Variants in C1GALT1 observed in about 807,000 individuals in gnomAD.
The protein encoded by C1GALT1 is core 1 synthase, glycoprotein-N-acetylgalactosamine 3-beta-galactosyltransferase 1, also known as glycoprotein-N-acetylgalactosamine 3-beta-galactosyltransferase 1.
C1GALT1 carries 11 observed loss-of-function variants against 31.0 expected under a neutral mutation model. That is an observed-to-expected ratio of 0.36 (90% CI 0.22 to 0.59). The LOEUF (loss-of-function observed/expected upper bound fraction) is 0.59. Ranked by LOEUF, C1GALT1 falls within the 20% of genes least tolerant of loss-of-function variation. The pLI, the probability that C1GALT1 is intolerant of heterozygous loss-of-function variation, is 0.79. For missense variants in C1GALT1, 424 were observed against 425.2 expected (o/e 1.00, Z 0.03); for synonymous variants, 175 against 143.6 (o/e 1.22, Z -1.56).
At chr7:7,174,975 T>C (rs1780490234) in intron 2 of C1GALT1, among the ~76,000 whole-genome samples, 1 of 152,178 alleles carries the variant, frequency 6.6e-6, no homozygotes, top group African/African-American at 2.4e-5. Flanking sequence ...GGACAGTTTC[T>C]ATCCATTTAT....
At position 7,244,549 on chromosome 7, in the gene C1GALT1, T is replaced by A. The variant is rs1783768784; in HGVS notation, c.*822T>A. The A allele has an allele frequency of 6.6e-6, 1 of 152,188 alleles. No individual in the cohort carries two copies. The highest frequency in any genetic ancestry group is 1.5e-5 in the Non-Finnish European group (1 of 68,014). The allele number at this position is 152,188 out of a possible 1,614,324, so 9.4% of individuals were successfully genotyped here. On this transcript the variant is annotated 3_prime_UTR_variant, in exon 4 of 4. Transcript: ENST00000436587. ...TCCCAAATTTGCCCATTGTTCATTA[T>A]GGGTAACTAATAATAAATTTAATGC...
chr7:7,244,987 CA>C lies in C1GALT1; in HGVS notation c.*1265del, dbSNP rs1371476345. The C allele has an allele frequency of 1.3e-5, 2 of 152,188 alleles. No homozygotes were observed. Among genetic ancestry groups the C allele is most frequent in the Non-Finnish European group, 2.9e-5 (2 of 68,020 alleles). 9.4% of individuals were successfully genotyped at this position (152,188 alleles called of 1,614,324 possible). ...CAGAATACCTAGTCAAGACTGTCAT[CA>C]AAAACATTCACAAATGTTTCATTCT... On this transcript the variant is annotated 3_prime_UTR_variant, in exon 4 of 4. Coordinates refer to ENST00000436587, the MANE Select transcript of C1GALT1 (RefSeq NM_020156.5).
rs56184278 is a variant in C1GALT1 at position 7,183,696 on chromosome 7, G to T, written c.-18+876G>T. 1.1e-3 allele frequency: 715 copies of T among 671,082 alleles called. 2 individuals carry two copies. In the African/African-American group the frequency reaches 0.015, roughly 14 times the overall value. 41.6% of individuals were successfully genotyped at this position (671,082 alleles called of 1,614,324 possible). A position where few individuals can be genotyped will look rare whatever the true frequency, so the allele number is the denominator to read the frequency against. On this transcript the variant is annotated intron_variant, in intron 1 of 3. Transcript: ENST00000436587. ...CACCCCCCACCACCCCGCATTTAAA[G>T]CAAACAACAGTATCAGCAACAAAAA...
At chr7:7,206,815 G>A (rs1472157205) in intron 1 of C1GALT1, among the ~76,000 whole-genome samples, 1 of 151,196 alleles carries the variant, frequency 6.6e-6, no homozygotes, top group Non-Finnish European at 1.5e-5. Context: ...CCTCCAAAGT[G>A]TCTGATGAGA....
At chr7:7,183,238 C>T (rs951192994) in intron 1 of C1GALT1, among the ~76,000 whole-genome samples, 5 of 152,054 alleles carry the variant, frequency 3.3e-5, no homozygotes, top group Admixed American at 2.0e-4. Context: ...GGGCCCTCCC[C>T]GCCCCGCCGC....
chr7:7,231,564 T>C (rs1392675022), intron 1 of C1GALT1, among the ~76,000 whole-genome samples: 1 of 152,204 alleles, frequency 6.6e-6, no homozygotes, highest in African/African-American at 2.4e-5. Flanking sequence ...AGGTTATTAA[T>C]TTTTTTCTTC....
chr7:7,198,529 C>A (rs1487189222), intron 1 of C1GALT1, among the ~76,000 whole-genome samples: 1 of 152,162 alleles, frequency 6.6e-6, no homozygotes, highest in Non-Finnish European at 1.5e-5. Flanking sequence ...GCTTTGGTAT[C>A]AGGATGATGC....
intron 1 of C1GALT1, among the ~76,000 whole-genome samples, chr7:7,222,122 C>T (rs1337011611): frequency 6.6e-6 from 1 of 152,162 alleles, no homozygotes; most frequent in Non-Finnish European, 1.5e-5. Context: ...ACACAAGCAC[C>T]TCATCTTAGA....
At chr7:7,214,328 A>C (rs1030546897) in intron 1 of C1GALT1, among the ~76,000 whole-genome samples, 2 of 152,198 alleles carry the variant, frequency 1.3e-5, no homozygotes, top group African/African-American at 4.8e-5. Context: ...AAGTTATCTT[A>C]GGACCTCTCA....
intron 2 of C1GALT1, among the ~76,000 whole-genome samples, chr7:7,162,265 CT>C (rs1362316692): frequency 4.8e-4 from 46 of 96,414 alleles, no homozygotes; most frequent in African/African-American, 1.8e-3. Context: ...TCCCTCCCCC[CT>C]CCCCCCACCC....
chr7:7,231,915 C>T (rs139372926), intron 1 of C1GALT1, among the ~76,000 whole-genome samples: 1 of 152,180 alleles, frequency 6.6e-6, no homozygotes, highest in Non-Finnish European at 1.5e-5. Context: ...CTAACGTAGA[C>T]TTCAGCCGTT....
At chr7:7,202,494 T>C (rs1364434343) in intron 1 of C1GALT1, among the ~76,000 whole-genome samples, 1 of 152,250 alleles carries the variant, frequency 6.6e-6, no homozygotes, top group Admixed American at 6.5e-5. Context: ...CTTTTCCCAT[T>C]GAATGGTCTT....
chr7:7,197,898 G>C (rs1781368490), intron 1 of C1GALT1, among the ~76,000 whole-genome samples: 1 of 152,196 alleles, frequency 6.6e-6, no homozygotes. Context: ...TGTATCCTGA[G>C]ACTTTGCTGA....
intron 1 of C1GALT1, among the ~76,000 whole-genome samples, chr7:7,223,168 CT>C (rs1026896642): frequency 6.6e-6 from 1 of 151,794 alleles, no homozygotes; most frequent in Non-Finnish European, 1.5e-5. Flanking sequence ...ACAGGTTTTT[CT>C]TTTTTTGGAG....
chr7:7,220,804 C>T (rs1655247567), intron 1 of C1GALT1, among the ~76,000 whole-genome samples: 1 of 152,074 alleles, frequency 6.6e-6, no homozygotes, highest in African/African-American at 2.4e-5. Context: ...ACAGGTGCGC[C>T]CAGCCCAAAA....
rs947529408 is a variant in C1GALT1 at position 7,234,315 on chromosome 7, G to A, written c.-5G>A. The A allele has an allele frequency of 6.8e-6, 11 of 1,611,790 alleles. No individual in the cohort carries two copies. The highest frequency in any genetic ancestry group is 3.3e-5 in the South Asian group (3 of 90,866). On this transcript the variant is annotated 5_prime_UTR_variant, in exon 2 of 4. Coordinates refer to ENST00000436587, the MANE Select transcript of C1GALT1 (RefSeq NM_020156.5). ...TTTGTTCTTACAGAAATACACTTTC[G>A]GGAAATGGCCTCTAAATCCTGGCTG...
chr7:7,180,532 A>C (rs1583733625), upstream of C1GALT1, among the ~76,000 whole-genome samples: 1 of 152,258 alleles, frequency 6.6e-6, no homozygotes, highest in Non-Finnish European at 1.5e-5. Flanking sequence ...CTGTGCAGAT[A>C]ATACGATCCA....
chr7:7,213,027 G>A (rs977422110), intron 1 of C1GALT1, among the ~76,000 whole-genome samples: 4 of 152,126 alleles, frequency 2.6e-5, no homozygotes, highest in African/African-American at 9.7e-5. Flanking sequence ...ACCAAACAAG[G>A]ATCAACAATA....
Position 7,246,032 on chromosome 7 carries a change from G to C in C1GALT1, c.*2305G>C, listed in dbSNP as rs1239010147. 1.3e-5 allele frequency: 2 copies of C among 152,184 alleles called. No individual in the cohort carries two copies. The highest frequency in any genetic ancestry group is 2.9e-5 in the Non-Finnish European group (2 of 68,020). 9.4% of individuals were successfully genotyped at this position (152,184 alleles called of 1,614,324 possible). A position where few individuals can be genotyped will look rare whatever the true frequency, so the allele number is the denominator to read the frequency against. On this transcript the variant is annotated 3_prime_UTR_variant, in exon 4 of 4. Transcript: ENST00000436587. ...TGTATTATTATTCTGTTACCTTGGA[G>C]TGTAAGTACTGCATTTAAGTGAATG...
Sources: allele counts gnomAD v4.1 joint callset (sites outside exome capture counted in the v4.1 genomes callset), GRCh38; gene constraint gnomAD v4.1.1; transcripts MANE v1.5; gene names NCBI Gene and HGNC (gene_info 2026-07-23, HGNC 2026-07-21).